SHTN1: variants seen among roughly 807,000 people sequenced by gnomAD.
SHTN1 encodes the protein shootin 1.
SHTN1 carries 42 observed loss-of-function variants against 83.1 expected under a neutral mutation model. The observed-to-expected ratio is 0.51, with a 90% CI of 0.39 to 0.65. The LOEUF is 0.65. Among genes scored for constraint, SHTN1 ranks in the 30% least tolerant of loss-of-function variants. The pLI is 0.00. For synonymous variants in SHTN1, 224 were observed against 247.7 expected (o/e 0.90, Z 0.90); for missense variants, 622 against 737.8 (o/e 0.84, Z 1.82).
chr10:116,940,858 TTTTA>T (rs1488203147), intron 8 of SHTN1, among the ~76,000 whole-genome samples: 2 of 152,192 alleles, frequency 1.3e-5, no homozygotes, highest in Admixed American at 6.5e-5. Context: ...GTTTTTAATA[TTTTA>T]TTATTGCTTT....
chr10:116,990,249 T>G (rs564302300), intron 1 of SHTN1, among the ~76,000 whole-genome samples: 1 of 151,888 alleles, frequency 6.6e-6, no homozygotes, highest in Non-Finnish European at 1.5e-5. Flanking sequence ...AGAAAAGGCC[T>G]TTGTTTTTCT....
chr10:117,034,968 G>GA (rs935751472), intron 2 of SHTN1, among the ~76,000 whole-genome samples: 14 of 151,186 alleles, frequency 9.3e-5, no homozygotes, highest in African/African-American at 2.4e-4. Flanking sequence ...CACAGAAATA[G>GA]AAAAAAAAAT....
At chr10:117,068,982 G>A (rs1378114226) in intron 1 of SHTN1, among the ~76,000 whole-genome samples, 2 of 152,022 alleles carry the variant, frequency 1.3e-5, no homozygotes, top group Admixed American at 6.6e-5. Context: ...AACTTGCTCT[G>A]GGATGACAAG....
In SHTN1 at chr10:116,952,472, T is replaced by C. The variant is rs530029562; in HGVS notation, c.437-466A>G. On this transcript the variant is annotated intron_variant, in intron 5 of 16. Transcript: ENST00000355371. The stretch of plus-strand genomic sequence containing the variant: ...AAGATCCTGACTTGCTGCCAATTTA[T>C]AGTCCTTAGACATTATTTGAACTGA... Among the ~76,000 whole-genome samples the C allele has an allele frequency of 2.0e-5, 3 of 152,336 alleles. No homozygotes were observed. In the South Asian group the frequency reaches 6.2e-4, roughly 32 times the overall value.
intron 2 of SHTN1, among the ~76,000 whole-genome samples, chr10:117,027,031 CAG>C (rs1009732130): frequency 5.9e-5 from 9 of 152,196 alleles, no homozygotes; most frequent in African/African-American, 1.9e-4. Flanking sequence ...TGGCTCAGAA[CAG>C]AGAGAGACTC....
chr10:117,117,683 T>C (rs1342703557), intron 1 of SHTN1, among the ~76,000 whole-genome samples: 1 of 152,118 alleles, frequency 6.6e-6, no homozygotes, highest in Non-Finnish European at 1.5e-5. Flanking sequence ...GGTACTGGCA[T>C]AAAAACAGAC....
intron 1 of SHTN1, among the ~76,000 whole-genome samples, chr10:117,055,023 G>A (rs950455201): frequency 1.3e-5 from 2 of 152,162 alleles, no homozygotes; most frequent in Admixed American, 1.3e-4. Context: ...CCACATGGTT[G>A]GGGAGGCCTC....
chr10:116,983,579 C>G (rs769669170), intron 1 of SHTN1, among the ~76,000 whole-genome samples: 1 of 151,890 alleles, frequency 6.6e-6, no homozygotes, highest in Non-Finnish European at 1.5e-5. Context: ...AGATGCCTCG[C>G]CCCTCCTGCT....
chr10:117,104,014 A>C (rs1018658471), intron 1 of SHTN1, among the ~76,000 whole-genome samples: 1 of 152,156 alleles, frequency 6.6e-6, no homozygotes, highest in Non-Finnish European at 1.5e-5. Flanking sequence ...CCTTTTCTCA[A>C]CCTTATGAAG....
intron 9 of SHTN1, among the ~76,000 whole-genome samples, chr10:116,937,413 G>A (rs184801378): frequency 5.9e-5 from 9 of 152,066 alleles, no homozygotes; most frequent in Non-Finnish European, 7.4e-5. Flanking sequence ...TTTCTCCTTC[G>A]CTTATGAAGC....
intron 1 of SHTN1, among the ~76,000 whole-genome samples, chr10:117,059,229 G>C (rs1039774883): frequency 6.6e-6 from 1 of 152,188 alleles, no homozygotes; most frequent in Non-Finnish European, 1.5e-5. Flanking sequence ...AGGATATAGA[G>C]AAACTGAATC....
At chr10:116,950,599 A>G (rs575658206) in intron 6 of SHTN1, among the ~76,000 whole-genome samples, 2 of 152,362 alleles carry the variant, frequency 1.3e-5, no homozygotes, top group South Asian at 4.1e-4. Context: ...CAACTGAGGA[A>G]CAGAGCACAC....
chr10:117,054,204 T>C (rs1405624934), intron 1 of SHTN1, among the ~76,000 whole-genome samples: 1 of 152,086 alleles, frequency 6.6e-6, no homozygotes, highest in African/African-American at 2.4e-5. Flanking sequence ...CCTGACCTTT[T>C]GGAGTTTAGA....
intron 16 of SHTN1, among the ~76,000 whole-genome samples, chr10:116,893,576 G>GCACACACACACACACACACA (rs6144113): frequency 0.19 from 23,380 of 123,406 alleles, 2,698 homozygotes; most frequent in Admixed American, 0.21. Context: ...GCACTCATGT[G>GCACACACACACACACACACA]CACACACACA....
intron 1 of SHTN1, among the ~76,000 whole-genome samples, chr10:117,103,989 T>C (rs190071931): frequency 8.9e-4 from 136 of 152,330 alleles, no homozygotes; most frequent in African/African-American, 2.9e-3. Flanking sequence ...AGTAAATTCC[T>C]CAATTGCCTC....
chr10:117,103,599 A>G (rs1393630466), intron 1 of SHTN1, among the ~76,000 whole-genome samples: 2 of 131,196 alleles, frequency 1.5e-5, no homozygotes, highest in Non-Finnish European at 3.1e-5. Context: ...GTACAGTGGC[A>G]CAATCTCAGC....
chr10:116,976,537 G>A (rs1217156723), intron 2 of SHTN1, among the ~76,000 whole-genome samples: 1 of 152,178 alleles, frequency 6.6e-6, no homozygotes, highest in Non-Finnish European at 1.5e-5. Context: ...ACTGCACTCT[G>A]GTTTGGGGCC....
At chr10:117,065,725 G>T (rs1267035449) in intron 1 of SHTN1, among the ~76,000 whole-genome samples, 229 of 14,492 alleles carry the variant, frequency 0.016, 7 homozygotes, top group African/African-American at 0.025. Context: ...GAGAGAGAGA[G>T]ATGAAAGAAA....
chr10:117,095,885 T>G (rs759678037), intron 1 of SHTN1, among the ~76,000 whole-genome samples: 4 of 152,212 alleles, frequency 2.6e-5, no homozygotes, highest in African/African-American at 7.2e-5. Context: ...GCTACATGCC[T>G]TGCAGTTGAG....
Sources: allele counts gnomAD v4.1 joint callset (sites outside exome capture counted in the v4.1 genomes callset), GRCh38; gene constraint gnomAD v4.1.1; transcripts MANE v1.5; gene names NCBI Gene and HGNC (gene_info 2026-07-23, HGNC 2026-07-21).